GOLGB1: variants seen among roughly 807,000 people sequenced by gnomAD.
GOLGB1 encodes golgin B1, also known as golgin subfamily B member 1.
A neutral mutation model predicts 336.9 loss-of-function variants in GOLGB1; 174 were observed. The ratio of observed to expected loss-of-function variants is 0.52; its 90% CI spans 0.46 to 0.59. The LOEUF is 0.59. GOLGB1 is among the 20% of genes least tolerant of loss of function. The pLI is 0.00. For synonymous variants in GOLGB1, 1,208 were observed against 1,289.2 expected (o/e 0.94, Z 1.35); for missense variants, 3,331 against 3,645.3 (o/e 0.91, Z 2.22).
In GOLGB1 at chr3:121,683,081, T is replaced by TTTTC. The variant is rs1553856330; in HGVS notation, c.8695-1217_8695-1216insGAAA. Among the ~76,000 whole-genome samples the TTTTC allele has an allele frequency of 3.2e-5, 4 of 125,280 alleles. 1 individual carries two copies. The highest frequency in any genetic ancestry group is 6.6e-5 in the Non-Finnish European group (4 of 60,458). 82.2% of individuals were successfully genotyped at this position (125,280 alleles called of 152,430 possible). A position where few individuals can be genotyped will look rare whatever the true frequency, so the allele number is the denominator to read the frequency against. ...TTTTTTTTTTTTTTTTTTTTTTTTT[T>TTTTC]TGGAGAGACGGAGTCTCAGTATGTT... On this transcript the variant is annotated intron_variant, in intron 14 of 21. Coordinates refer to ENST00000614479, the MANE Select transcript of GOLGB1 (RefSeq NM_001366282.2).
chr3:121,742,405 G>A (rs1209853449), intron 1 of GOLGB1, among the ~76,000 whole-genome samples: 1 of 152,166 alleles, frequency 6.6e-6, no homozygotes, highest in Non-Finnish European at 1.5e-5. Flanking sequence ...GGGAAAACTG[G>A]CTAGCCATAC....
chr3:121,704,637 G>A (rs938116175), intron 10 of GOLGB1, among the ~76,000 whole-genome samples: 3 of 151,940 alleles, frequency 2.0e-5, no homozygotes, highest in African/African-American at 4.8e-5. Flanking sequence ...TTAGCCAGGC[G>A]TGGTGACTCA....
Position 121,695,747 on chromosome 3 carries a change from C to G in GOLGB1, c.4776G>C (p.Val1592=). The change falls in exon 13 of 22, where the codon GTG becomes GTC. Residue 1592 remains valine (V), a synonymous_variant. Coordinates refer to ENST00000614479, the MANE Select transcript of GOLGB1 (RefSeq NM_001366282.2). The stretch of plus-strand genomic sequence containing the variant: ...AAGATTTCAAAGATTCAATTTCCTT[C>G]ACTAACTTTTCCTTGTCTTCAGTAA... ...EGLTEDKEKL[V]KEIESLKSSK... is the part of the protein sequence containing the mutation. 6 of 1,611,794 alleles carry G rather than the reference C, an allele frequency of 3.7e-6. No individual in the cohort carries two copies. Among genetic ancestry groups the G allele is most frequent in the Non-Finnish European group, 5.1e-6 (6 of 1,179,868 alleles).
Position 121,695,995 on chromosome 3 carries a change from C to A in GOLGB1, c.4528G>T (p.Glu1510Ter), listed in dbSNP as rs757691246. Reference sequence around the variant, plus strand: ...ATGGTACCTCTGGCCAAAGACAATTCCTCTTGGAGACTTTTGTTTTCTTTT... The same window carrying A: ...ATGGTACCTCTGGCCAAAGACAATTACTCTTGGAGACTTTTGTTTTCTTTT... ...ALKENKSLQE[E>*]LSLARGTIER... is the part of the protein sequence containing the mutation. The change falls in exon 13 of 22, where the codon GAA (glutamate) becomes TAA (stop). Residue 1510 changes from glutamate to a stop codon, truncating the protein, a stop_gained. Coordinates refer to ENST00000614479, the MANE Select transcript of GOLGB1 (RefSeq NM_001366282.2). LOFTEE classifies it high-confidence loss of function. The A allele has an allele frequency of 8.1e-6, 13 of 1,613,968 alleles. No homozygotes were observed. Among genetic ancestry groups the A allele is most frequent in the Non-Finnish European group, 1.0e-5 (12 of 1,179,998 alleles).
In GOLGB1 at chr3:121,664,221, T is replaced by C. The variant is rs745664488; in HGVS notation, c.*259A>G. On this transcript the variant is annotated 3_prime_UTR_variant, in exon 22 of 22. Coordinates refer to ENST00000614479, the MANE Select transcript of GOLGB1 (RefSeq NM_001366282.2). ...GGTCCTGCAAAATCTCAACAAATATTAGGCTCAACAAACCAAATGTGATTC... is the reference window on the plus strand; with the variant it reads ...GGTCCTGCAAAATCTCAACAAATATCAGGCTCAACAAACCAAATGTGATTC... The C allele has an allele frequency of 5.7e-5, 27 of 469,836 alleles. No individual in the cohort carries two copies. The highest frequency in any genetic ancestry group is 9.6e-5 in the Non-Finnish European group (25 of 260,294). 29.1% of individuals were successfully genotyped at this position (469,836 alleles called of 1,614,324 possible). A position where few individuals can be genotyped will look rare whatever the true frequency, so the allele number is the denominator to read the frequency against.
intron 1 of GOLGB1, among the ~76,000 whole-genome samples, chr3:121,733,189 T>G (rs1986351): frequency 0.7 from 105,027 of 150,742 alleles, 37,327 homozygotes; most frequent in East Asian, 0.86. Flanking sequence ...CGGGTGTGGT[T>G]GTGGGTGCCT....
rs748290183 is a variant in GOLGB1, at chr3:121,729,907, T to C, written c.207A>G (p.Arg69=). ...QLVVELKDII[R]QKDVQLQQKD... ...TCTGCTGCAGTTGAACATCCTTCTG[T>C]CTAATAATATCTTTTAGCTCCACCA... The change falls in exon 3 of 22, where the codon AGA becomes AGG. Residue 69 remains arginine, a synonymous_variant. Coordinates refer to ENST00000614479, the MANE Select transcript of GOLGB1 (RefSeq NM_001366282.2). The C allele has an allele frequency of 7.4e-6, 12 of 1,612,076 alleles. No individual in the cohort carries two copies. The highest frequency in any genetic ancestry group is 6.7e-5 in the East Asian group (3 of 44,886).
chr3:121,726,856 T>G, intron 5 of GOLGB1, 57 bp downstream of exon 5: 1 of 1,313,358 alleles, frequency 7.6e-7, no homozygotes, highest in Admixed American at 2.2e-5. Context: ...CACATAATAA[T>G]CCATTGGTTT....
At chr3:121,682,707 C>T (rs1291691661) in intron 14 of GOLGB1, among the ~76,000 whole-genome samples, 1 of 152,172 alleles carries the variant, frequency 6.6e-6, no homozygotes, top group African/African-American at 2.4e-5. Context: ...ATACCTCTTT[C>T]ACCCACTTAG....
At chr3:121,666,399 C>T (rs1378319330) in intron 20 of GOLGB1, among the ~76,000 whole-genome samples, 1 of 152,134 alleles carries the variant, frequency 6.6e-6, no homozygotes, top group Admixed American at 6.6e-5. Context: ...ATCAACCTCC[C>T]CATTGGCCAG....
chr3:121,727,690 G>A (rs1322016296), intron 4 of GOLGB1, among the ~76,000 whole-genome samples: 1 of 151,698 alleles, frequency 6.6e-6, no homozygotes, highest in African/African-American at 2.4e-5. Context: ...TTTTCCAAAA[G>A]CTCTCCCTTA....
At chr3:121,737,221 C>T (rs1040049261) in intron 1 of GOLGB1, among the ~76,000 whole-genome samples, 1 of 152,142 alleles carries the variant, frequency 6.6e-6, no homozygotes, top group South Asian at 2.1e-4. Context: ...ACTGCTAGTC[C>T]ATAAAGTCCA....
At chr3:121,705,530 G>A (rs1168342079) in intron 10 of GOLGB1, among the ~76,000 whole-genome samples, 1 of 152,202 alleles carries the variant, frequency 6.6e-6, no homozygotes, top group Non-Finnish European at 1.5e-5. Context: ...TTTTCAGGCT[G>A]TGGTCCAAGA....
rs1449199880 is a variant in GOLGB1, at chr3:121,730,913, T to G, written c.59A>C (p.Asp20Ala). 1 of 1,611,988 alleles carries G rather than the reference T, an allele frequency of 6.2e-7. No individual in the cohort carries two copies. Among genetic ancestry groups the G allele is most frequent in the Admixed American group, 1.7e-5 (1 of 60,010 alleles). ...AGCCCTCATATTCTGATCAGTGTCA[T>G]CATCTCCTGATAATTCATGCAAAAC... ...NVVLHELSGD[D>A]DTDQNMRAPL... Residue 20 changes from aspartate to alanine, a missense_variant, in exon 2 of 22, where the codon GAT becomes GCT. Asp to Ala is a moderately radical substitution (Grantham distance 126). Transcript: ENST00000614479.
intron 1 of GOLGB1, among the ~76,000 whole-genome samples, chr3:121,740,906 A>G (rs1946809095): frequency 6.6e-6 from 1 of 152,124 alleles, no homozygotes; most frequent in Admixed American, 6.5e-5. Flanking sequence ...TCAACTCAGA[A>G]TGACCAACAA....
chr3:121,696,913 T>C lies in GOLGB1; in HGVS notation c.3610A>G (p.Arg1204Gly). ...TGCTTTAGCTCCTCCCTGAGATGTC[T>C]TTCTTTCTCCTGTGCCTTTTTAAGA... ...AILKKAQEKE[R>G]HLREELKQQK... is the part of the protein sequence containing the mutation. Residue 1204 changes from arginine (R) to glycine (G), a missense_variant, in exon 13 of 22, where the codon AGA (arginine) becomes GGA (glycine). By Grantham distance (125) the Arg-to-Gly change is moderately radical. Transcript: ENST00000614479. 1 of 1,614,172 alleles carries C rather than the reference T, an allele frequency of 6.2e-7. No homozygotes were observed. Among genetic ancestry groups the C allele is most frequent in the East Asian group, 2.2e-5 (1 of 44,894 alleles).
rs746649684 is a variant in GOLGB1 at position 121,683,053 on chromosome 3, A to ATTTTTTT, written c.8695-1195_8695-1189dup. ...GCTGCTTAAGAAGCAATTTCTTTTA[A>ATTTTTTT]TTTTTTTTTTTTTTTTTTTTTTTTT... is the stretch of plus-strand genomic sequence containing the variant. On this transcript the variant is annotated intron_variant, in intron 14 of 21. Transcript: ENST00000614479. Among the ~76,000 whole-genome samples the ATTTTTTT allele has an allele frequency of 7.3e-5, 6 of 82,496 alleles. 1 individual carries two copies. Among genetic ancestry groups the ATTTTTTT allele is most frequent in the African/African-American group, 9.4e-5 (2 of 21,336 alleles). 54.1% of individuals were successfully genotyped at this position (82,496 alleles called of 152,430 possible).
intron 15 of GOLGB1, among the ~76,000 whole-genome samples, chr3:121,678,901 C>T (rs959877955): frequency 6.6e-6 from 1 of 151,956 alleles, no homozygotes; most frequent in Admixed American, 6.6e-5. Context: ...TAAACAGTAA[C>T]AACCTCCCAA....
intron 4 of GOLGB1, 128 bp from the exon 5 acceptor site, chr3:121,727,169 A>G (rs1280286745): frequency 4.3e-6 from 2 of 460,084 alleles, no homozygotes; most frequent in African/African-American, 4.1e-5. Context: ...AGCAAGAAAA[A>G]CCAGCTGATC....
Sources: allele counts gnomAD v4.1 joint callset (sites outside exome capture counted in the v4.1 genomes callset), GRCh38; gene constraint gnomAD v4.1.1; transcripts MANE v1.5; gene names NCBI Gene and HGNC (gene_info 2026-07-23, HGNC 2026-07-21).